VMP1: variants seen among roughly 807,000 people sequenced by gnomAD.
The protein encoded by VMP1 is vacuole membrane protein 1, also known as ectopic P-granules autophagy protein 3 homolog.
VMP1 carries 11 observed loss-of-function variants against 56.0 expected under a neutral mutation model. The observed-to-expected ratio is 0.20, with a 90% CI of 0.12 to 0.32. The LOEUF (loss-of-function observed/expected upper bound fraction) is 0.32. Among genes scored for constraint, VMP1 ranks in the 10% least tolerant of loss-of-function variants. The probability of loss-of-function intolerance (pLI) is 1.00; values close to 1 mark genes in which losing one functional copy is unlikely to be tolerated. For missense variants in VMP1, 296 were observed against 490.3 expected, an observed-to-expected ratio of 0.60 and a Z score of 3.74; for synonymous variants, 149 against 165.0, an observed-to-expected ratio of 0.90 and a Z score of 0.74.
chr17:59,832,098 A>C (rs2038827175), intron 10 of VMP1, among the ~76,000 whole-genome samples: 1 of 151,934 alleles, frequency 6.6e-6, no homozygotes, highest in African/African-American at 2.4e-5. Context: ...GCCAGGAATA[A>C]AAATATGAAG....
chr17:59,711,988 C>T (rs2033950742), intron 1 of VMP1, among the ~76,000 whole-genome samples: 1 of 152,104 alleles, frequency 6.6e-6, no homozygotes, highest in African/African-American at 2.4e-5. Flanking sequence ...CAAATTCTAG[C>T]TCTATTACTA....
chr17:59,817,042 A>T (rs1248543825), intron 9 of VMP1, among the ~76,000 whole-genome samples: 3 of 151,220 alleles, frequency 2.0e-5, no homozygotes, highest in African/African-American at 7.3e-5. Context: ...GCTGAGGCAG[A>T]TGGATCACTT....
chr17:59,832,782 T>TTG (rs1482631275), intron 10 of VMP1, among the ~76,000 whole-genome samples: 4 of 147,866 alleles, frequency 2.7e-5, no homozygotes, highest in Non-Finnish European at 4.5e-5. Context: ...TTTTTTTTTT[T>TTG]GTATTTTTAG....
At position 59,718,474 on chromosome 17, in the gene VMP1, G is replaced by A. The variant is rs2034262239; in HGVS notation, c.-27+10726G>A. On this transcript the variant is annotated intron_variant, in intron 1 of 11. Transcript: ENST00000262291. ...GCCTCCCAAAGTGCTGGGATTACAG[G>A]TGTGAGCCACCGTGCCCGGCCCCTC... Among the ~76,000 whole-genome samples the A allele has an allele frequency of 3.3e-5, 5 of 151,846 alleles. No individual in the cohort carries two copies. In the South Asian group the frequency reaches 1.0e-3, roughly 32 times the overall value.
chr17:59,714,003 T>A (rs759987453), intron 1 of VMP1, among the ~76,000 whole-genome samples: 10 of 137,730 alleles, frequency 7.3e-5, no homozygotes, highest in Admixed American at 1.6e-4. Flanking sequence ...ATCGTGCCAC[T>A]GCACTCCAAC....
chr17:59,808,080 A>G (rs16943877), intron 7 of VMP1, among the ~76,000 whole-genome samples: 1 of 152,166 alleles, frequency 6.6e-6, no homozygotes, highest in African/African-American at 2.4e-5. Flanking sequence ...AGCCGAATGC[A>G]TGTTTCAGCA....
intron 9 of VMP1, among the ~76,000 whole-genome samples, chr17:59,815,929 A>G (rs1269660198): frequency 6.7e-6 from 1 of 149,862 alleles, no homozygotes; most frequent in Non-Finnish European, 1.5e-5. Flanking sequence ...ATCTTTGTTC[A>G]TTCTAGCACA....
At chr17:59,723,055 T>C (rs908588289) in intron 1 of VMP1, among the ~76,000 whole-genome samples, 1 of 152,306 alleles carries the variant, frequency 6.6e-6, no homozygotes, top group South Asian at 2.1e-4. Context: ...AAGATCACCA[T>C]TGTATCTGGG....
intron 7 of VMP1, among the ~76,000 whole-genome samples, chr17:59,796,241 G>A (rs2144146443): frequency 6.6e-6 from 1 of 152,210 alleles, no homozygotes; most frequent in African/African-American, 2.4e-5. Context: ...GAATTTTGAT[G>A]TTTTGGATCA....
intron 10 of VMP1, among the ~76,000 whole-genome samples, chr17:59,827,794 T>A (rs1019587231): frequency 2.6e-5 from 4 of 151,168 alleles, no homozygotes; most frequent in Non-Finnish European, 5.9e-5. Flanking sequence ...TTGAAAAAAA[T>A]TTAAAAATTA....
At chr17:59,837,546 A>G (rs1366101092) in intron 10 of VMP1, 1 of 152,202 alleles carries the variant, frequency 6.6e-6, no homozygotes, top group Admixed American at 6.5e-5. Flanking sequence ...ATCAAAGATC[A>G]CTATCCCAAT....
At chr17:59,776,546 G>T (rs1436001299) in intron 7 of VMP1, among the ~76,000 whole-genome samples, 1 of 152,086 alleles carries the variant, frequency 6.6e-6, no homozygotes, top group Non-Finnish European at 1.5e-5. Flanking sequence ...GTTTGGAAAG[G>T]TACCATTCTT....
chr17:59,735,289 G>C (rs771703133), intron 2 of VMP1, 49 bp from the exon 3 acceptor site: 2 of 1,596,990 alleles, frequency 1.3e-6, no homozygotes, highest in Non-Finnish European at 1.7e-6. Flanking sequence ...AAGAGAATAA[G>C]CATAAATGTT....
intron 8 of VMP1, among the ~76,000 whole-genome samples, chr17:59,810,132 G>A (rs941548933): frequency 7.2e-5 from 11 of 152,060 alleles, no homozygotes; most frequent in Middle Eastern, 3.4e-3. Flanking sequence ...TCTGATTTAC[G>A]TATCTTAAAT....
chr17:59,789,204 C>T (rs1419266906), intron 7 of VMP1, among the ~76,000 whole-genome samples: 1 of 147,968 alleles, frequency 6.8e-6, no homozygotes, highest in East Asian at 2.0e-4. Flanking sequence ...GCAGGAGAAT[C>T]CCTTGAACCT....
intron 10 of VMP1, among the ~76,000 whole-genome samples, chr17:59,833,250 T>G (rs2038875482): frequency 6.6e-6 from 1 of 152,156 alleles, no homozygotes; most frequent in Non-Finnish European, 1.5e-5. Flanking sequence ...GTGAGAGCTG[T>G]AATTTCTATT....
chr17:59,837,152 G>A (rs1043919553), intron 10 of VMP1, among the ~76,000 whole-genome samples: 2 of 151,822 alleles, frequency 1.3e-5, no homozygotes, highest in South Asian at 2.1e-4. Context: ...GCAGTGAGCC[G>A]AGATCAGGCC....
intron 8 of VMP1, among the ~76,000 whole-genome samples, chr17:59,810,816 C>T (rs1401056394): frequency 6.6e-6 from 1 of 152,160 alleles, no homozygotes; most frequent in South Asian, 2.1e-4. Flanking sequence ...AATTAATTGG[C>T]TTATTAATGG....
intron 11 of VMP1, chr17:59,839,226 G>T (rs570231933): frequency 6.5e-6 from 1 of 152,760 alleles, no homozygotes; most frequent in African/African-American, 2.4e-5. Context: ...ACTGACCTCA[G>T]ATGATCCGCC....
Sources: gnomAD v4.1 joint callset for allele counts (sites outside exome capture counted in the v4.1 genomes callset) on GRCh38, gnomAD v4.1.1 for gene constraint, MANE v1.5 for transcripts, NCBI Gene and HGNC (gene_info 2026-07-23, HGNC 2026-07-21) for gene names.